AMMECR1: variants seen among roughly 807,000 people sequenced by gnomAD.
AMMECR1 encodes AMMECR nuclear protein 1.
A neutral mutation model predicts 22.5 loss-of-function variants in AMMECR1; 3 were observed. That is an observed-to-expected ratio of 0.13 (90% confidence interval 0.06 to 0.35). The LOEUF (loss-of-function observed/expected upper bound fraction) is 0.35. AMMECR1 is among the 10% of genes least tolerant of loss of function. The pLI is 1.00. For synonymous variants in AMMECR1, 130 were observed against 116.7 expected, an observed-to-expected ratio of 1.11 and a Z score of -0.74; for missense variants, 235 against 278.7, an observed-to-expected ratio of 0.84 and a Z score of 1.12.
In AMMECR1 at chrX:110,198,430, C is replaced by A; in HGVS notation, c.*90G>T. Reference sequence around the variant, plus strand: ...CGGAAACTATCATCATAAAATGGTACAGTAAAAGAGATAGCTAGACCAAGA... The same window carrying A: ...CGGAAACTATCATCATAAAATGGTAAAGTAAAAGAGATAGCTAGACCAAGA... On this transcript the variant is annotated 3_prime_UTR_variant, in exon 6 of 6. Coordinates refer to ENST00000262844, the MANE Select transcript of AMMECR1 (RefSeq NM_015365.3). The A allele has an allele frequency of 2.1e-6, 1 of 476,241 alleles. No homozygotes were observed. Among genetic ancestry groups the A allele is most frequent in the Non-Finnish European group, 3.3e-6 (1 of 300,247 alleles). The allele number at this position is 476,241 out of a possible 1,213,427, so 39.2% of individuals were successfully genotyped here.
At chrX:110,250,360 C>A (rs1364330410) in intron 2 of AMMECR1, among the ~76,000 whole-genome samples, 1 of 111,537 alleles carries the variant, frequency 9.0e-6, no homozygotes, top group Non-Finnish European at 1.9e-5. Flanking sequence ...AATCTCTGGG[C>A]TCTAGGGTTC....
intron 2 of AMMECR1, chrX:110,219,476 AAAGAT>A (rs2067490183): frequency 1.3e-6 from 1 of 751,951 alleles, no homozygotes; most frequent in African/African-American, 2.3e-5. Flanking sequence ...CAGACCAATA[AAAGAT>A]AAGTTTTAGC....
At chrX:110,205,565 G>A (rs1424431140) in intron 3 of AMMECR1, among the ~76,000 whole-genome samples, 2 of 111,313 alleles carry the variant, frequency 1.8e-5, no homozygotes, top group Admixed American at 1.9e-4. Flanking sequence ...ATGGATGAGG[G>A]GGCAGCATGT....
intron 2 of AMMECR1, among the ~76,000 whole-genome samples, chrX:110,259,850 T>C (rs2067730808): frequency 9.0e-6 from 1 of 111,403 alleles, no homozygotes; most frequent in African/African-American, 3.3e-5. Flanking sequence ...CTGGGATTAC[T>C]GGGATTACAG....
intron 3 of AMMECR1, among the ~76,000 whole-genome samples, chrX:110,204,051 GCTGAGAAGAA>G (rs1438805054): frequency 9.0e-6 from 1 of 111,661 alleles, no homozygotes; most frequent in Non-Finnish European, 1.9e-5. Flanking sequence ...TACGTATATA[GCTGAGAAGAA>G]ATATGAGCGC....
intron 2 of AMMECR1, among the ~76,000 whole-genome samples, chrX:110,369,202 C>T (rs1236191771): frequency 1.8e-5 from 2 of 110,635 alleles, no homozygotes; most frequent in African/African-American, 3.3e-5. Context: ...TGTGGTGGCA[C>T]GCTCCTGTGG....
intron 2 of AMMECR1, among the ~76,000 whole-genome samples, chrX:110,236,620 C>G (rs1035667435): frequency 1.8e-5 from 2 of 111,962 alleles, no homozygotes; most frequent in African/African-American, 6.5e-5. Context: ...ATACCCAGTG[C>G]CTAGCACACA....
At chrX:110,218,971 T>G (rs760891379) in intron 2 of AMMECR1, among the ~76,000 whole-genome samples, 2 of 112,176 alleles carry the variant, frequency 1.8e-5, no homozygotes, top group South Asian at 7.3e-4. Flanking sequence ...CATGTATCAG[T>G]ACTTCATTCT....
At chrX:110,375,741 G>T (rs1216883022) in intron 2 of AMMECR1, among the ~76,000 whole-genome samples, 5 of 112,068 alleles carry the variant, frequency 4.5e-5, no homozygotes. Flanking sequence ...AATGCTATTT[G>T]TAGTACTTTA....
At chrX:110,247,716 G>A (rs774818278) in intron 2 of AMMECR1, among the ~76,000 whole-genome samples, 3 of 109,388 alleles carry the variant, frequency 2.7e-5, no homozygotes, top group East Asian at 5.7e-4. Flanking sequence ...AAACAAAAAC[G>A]AAAGAAAGAA....
chrX:110,409,239 C>T (rs1338793089), intron 2 of AMMECR1, among the ~76,000 whole-genome samples: 1 of 110,599 alleles, frequency 9.0e-6, no homozygotes. Flanking sequence ...GGCAGGATCC[C>T]AGTTATCAGA....
intron 2 of AMMECR1, among the ~76,000 whole-genome samples, chrX:110,343,412 A>C (rs2068173514): frequency 9.0e-6 from 1 of 111,554 alleles, no homozygotes; most frequent in Non-Finnish European, 1.9e-5. Flanking sequence ...AACTGGAAGC[A>C]TTCCCTTTGA....
At position 110,385,222 on chromosome X, in the gene AMMECR1, T is replaced by A. The variant is rs149753107; in HGVS notation, c.-148+41436A>T. Reference sequence around the variant, plus strand: ...AATAGAAACAATAAAAGTACTTACCTACCTCTTAGGGTTTTGTGAGGGTTA... The same window carrying A: ...AATAGAAACAATAAAAGTACTTACCAACCTCTTAGGGTTTTGTGAGGGTTA... On this transcript the variant is annotated intron_variant, in intron 2 of 7. Transcript: ENST00000372057. Among the ~76,000 whole-genome samples, 472 of 111,661 alleles carry A rather than the reference T, an allele frequency of 4.2e-3. 2 individuals are homozygous for A. Among genetic ancestry groups the A allele is most frequent in the African/African-American group, 0.014 (420 of 30,765 alleles).
intron 2 of AMMECR1, among the ~76,000 whole-genome samples, chrX:110,406,539 C>T (rs757962080): frequency 2.6e-4 from 29 of 109,935 alleles, no homozygotes; most frequent in South Asian, 7.5e-4. Flanking sequence ...CAAGTCTTTG[C>T]TATTGTGAAT....
chrX:110,341,757 A>C lies in AMMECR1; in HGVS notation c.-147-23908T>G, dbSNP rs147733247. ...TCGGATATGCCAAAGAAAAGCTGTA[A>C]AGTGCTTCCTTTCAATGAAAATGTA... On this transcript the variant is annotated intron_variant, in intron 2 of 7. Coordinates refer to the AMMECR1 transcript ENST00000372057. 2.9e-3 allele frequency among the ~76,000 whole-genome samples: 325 copies of C among 112,386 alleles called. 2 individuals carry two copies. The highest frequency in any genetic ancestry group is 0.01 in the African/African-American group (317 of 30,969).
intron 1 of AMMECR1, among the ~76,000 whole-genome samples, chrX:110,281,381 T>C (rs1158609411): frequency 8.9e-6 from 1 of 112,437 alleles, no homozygotes; most frequent in Non-Finnish European, 1.9e-5. Flanking sequence ...ATGCTGTGTT[T>C]TGTTAACCAT....
intron 1 of AMMECR1, among the ~76,000 whole-genome samples, chrX:110,297,013 TTTATTG>T (rs2067940211): frequency 9.0e-6 from 1 of 111,324 alleles, no homozygotes; most frequent in Admixed American, 9.6e-5. Context: ...TCCCCTAAAG[TTTATTG>T]TTATTGTTTG....
intron 2 of AMMECR1, among the ~76,000 whole-genome samples, chrX:110,367,959 C>A (rs2068308679): frequency 3.0e-5 from 3 of 100,453 alleles, no homozygotes; most frequent in Non-Finnish European, 6.0e-5. Context: ...CAGGTACTCA[C>A]CACAGTGCTG....
chrX:110,269,169 CA>C (rs1166051987), intron 1 of AMMECR1, among the ~76,000 whole-genome samples: 1 of 111,835 alleles, frequency 8.9e-6, no homozygotes, highest in African/African-American at 3.3e-5. Context: ...TAGTTGCATA[CA>C]ATCAGCAAAA....
Sources: gnomAD v4.1 joint callset for allele counts (sites outside exome capture counted in the v4.1 genomes callset) on GRCh38, gnomAD v4.1.1 for gene constraint, MANE v1.5 for transcripts, NCBI Gene and HGNC (gene_info 2026-07-23, HGNC 2026-07-21) for gene names.